Variants in PRKD3 observed in about 807,000 individuals in gnomAD.
PRKD3 encodes the protein serine/threonine-protein kinase D3.
A neutral mutation model predicts 99.2 loss-of-function variants in PRKD3; 47 were observed. The observed-to-expected ratio is 0.47, with a 90% CI of 0.38 to 0.60. The LOEUF is 0.60. PRKD3 is among the 20% of genes least tolerant of loss of function. The probability of loss-of-function intolerance (pLI) is 0.00; values close to 1 mark genes in which losing one functional copy is unlikely to be tolerated. For synonymous variants in PRKD3, 392 were observed against 355.4 expected (o/e 1.10, Z -1.16); for missense variants, 1,019 against 1,088.4 (o/e 0.94, Z 0.90).
At chr2:37,270,328 A>G (rs1669144955) in intron 12 of PRKD3, among the ~76,000 whole-genome samples, 1 of 147,748 alleles carries the variant, frequency 6.8e-6, no homozygotes, top group Admixed American at 6.9e-5. Flanking sequence ...ACCTTTAAGG[A>G]GATTTGCTCT....
At chr2:37,305,132 T>G (rs748627676) in intron 2 of PRKD3, among the ~76,000 whole-genome samples, 18 of 152,140 alleles carry the variant, frequency 1.2e-4, no homozygotes, top group Non-Finnish European at 2.2e-4. Flanking sequence ...GAATGACAAC[T>G]GGGTTTTTTT....
chr2:37,324,630 G>T (rs1672043487), intron 1 of PRKD3, 51 bp downstream of exon 1: 3 of 151,780 alleles, frequency 2.0e-5, no homozygotes, highest in Admixed American at 2.0e-4. Flanking sequence ...CGGCGGCGGC[G>T]GCGCGAACTT....
chr2:37,276,725 C>T (rs1270829543), intron 9 of PRKD3, among the ~76,000 whole-genome samples: 1 of 151,384 alleles, frequency 6.6e-6, no homozygotes, highest in African/African-American at 2.4e-5. Context: ...AATTTCTTTA[C>T]ACTCAAATCT....
intron 2 of PRKD3, among the ~76,000 whole-genome samples, chr2:37,298,525 G>C (rs1670771959): frequency 6.6e-6 from 1 of 151,498 alleles, no homozygotes; most frequent in Non-Finnish European, 1.5e-5. Flanking sequence ...GTGCCTACTT[G>C]CCTACTTCAT....
Position 37,289,337 on chromosome 2 carries a change from A to G in PRKD3, c.717+19T>C. 1.2e-6 allele frequency: 2 copies of G among 1,611,998 alleles called. No individual in the cohort carries two copies. The highest frequency in any genetic ancestry group is 1.7e-6 in the Non-Finnish European group (2 of 1,179,064). ...GAGAATAACTACTACTAAAATGTCT[A>G]TTACCTTAGAATACGTACCTCTTCA... On this transcript the variant is annotated intron_variant, in intron 5 of 18. Transcript: ENST00000234179.
chr2:37,259,471 TG>T (rs1449531515), intron 16 of PRKD3, 111 bp downstream of exon 16: 1 of 632,750 alleles, frequency 1.6e-6, no homozygotes, highest in Non-Finnish European at 2.6e-6. Context: ...AAACTATTTT[TG>T]TAAGGTGGTA....
At chr2:37,279,144 C>T (rs1185803460) in intron 8 of PRKD3, 1 of 151,912 alleles carries the variant, frequency 6.6e-6, no homozygotes, top group Non-Finnish European at 1.5e-5. Context: ...CAATGAAAAA[C>T]AAAACCTGCC....
At chr2:37,309,423 G>C (rs1671317871) in intron 2 of PRKD3, among the ~76,000 whole-genome samples, 4 of 152,118 alleles carry the variant, frequency 2.6e-5, no homozygotes, top group African/African-American at 9.7e-5. Context: ...AACAGCCTAA[G>C]GGTACAGAAA....
chr2:37,291,599 G>T (rs2124841242), intron 3 of PRKD3, among the ~76,000 whole-genome samples: 1 of 152,332 alleles, frequency 6.6e-6, no homozygotes, highest in East Asian at 1.9e-4. Flanking sequence ...GTGAGACAGG[G>T]AGTGAAACTC....
intron 18 of PRKD3, among the ~76,000 whole-genome samples, chr2:37,253,724 T>C (rs557215568): frequency 2.6e-5 from 4 of 152,326 alleles, no homozygotes; most frequent in East Asian, 1.9e-4. Context: ...TAGTAACTGG[T>C]AGATGAGATT....
intron 3 of PRKD3, 126 bp downstream of exon 3, chr2:37,293,007 T>C: frequency 9.4e-7 from 1 of 1,059,898 alleles, no homozygotes; most frequent in East Asian, 2.5e-5. Context: ...GTGACCATTA[T>C]TAGAGATGAA....
intron 2 of PRKD3, among the ~76,000 whole-genome samples, chr2:37,299,543 C>T (rs922164164): frequency 6.6e-6 from 1 of 150,758 alleles, no homozygotes; most frequent in Non-Finnish European, 1.5e-5. Flanking sequence ...CACACACACA[C>T]ACACACACAC....
intron 2 of PRKD3, among the ~76,000 whole-genome samples, chr2:37,303,665 C>T (rs748704524): frequency 5.9e-5 from 9 of 152,062 alleles, no homozygotes; most frequent in Non-Finnish European, 7.4e-5. Flanking sequence ...CAGGGTACCC[C>T]GTCCCAAGTC....
intron 2 of PRKD3, among the ~76,000 whole-genome samples, chr2:37,294,161 CA>C (rs1670571279): frequency 6.6e-6 from 1 of 152,130 alleles, no homozygotes; most frequent in South Asian, 2.1e-4. Context: ...GTGGTGTGAT[CA>C]CAGTTCAACA....
At chr2:37,287,255 AAAAAAAAAAAAAGAAAAAG>A (rs1441193967) in intron 5 of PRKD3, among the ~76,000 whole-genome samples, 61 of 141,086 alleles carry the variant, frequency 4.3e-4, no homozygotes, top group African/African-American at 1.6e-3. Context: ...AAAAAAAAAA[AAAAAAAAAAAAAGAAAAAG>A]AAAAAGAAAA....
At chr2:37,288,854 G>A (rs1434464618) in intron 5 of PRKD3, among the ~76,000 whole-genome samples, 1 of 152,064 alleles carries the variant, frequency 6.6e-6, no homozygotes, top group Non-Finnish European at 1.5e-5. Context: ...AGGAATTCAA[G>A]ACCAGCCTGT....
intron 2 of PRKD3, among the ~76,000 whole-genome samples, chr2:37,296,619 C>T (rs1041230701): frequency 6.6e-6 from 1 of 151,862 alleles, no homozygotes; most frequent in African/African-American, 2.4e-5. Context: ...AGAGTCAGGC[C>T]GGGCGCAGTG....
chr2:37,268,348 G>T (rs369677276), intron 13 of PRKD3: 1 of 471,016 alleles, frequency 2.1e-6, no homozygotes, highest in Middle Eastern at 3.3e-4. Flanking sequence ...CTCCAGAGAT[G>T]TAACTACTCT....
intron 16 of PRKD3, among the ~76,000 whole-genome samples, chr2:37,257,629 G>A (rs1668066670): frequency 7.5e-6 from 1 of 132,494 alleles, no homozygotes; most frequent in Non-Finnish European, 1.5e-5. Flanking sequence ...TTACGCCGCT[G>A]CAATCCAGCC....
Sources: allele counts gnomAD v4.1 joint callset (sites outside exome capture counted in the v4.1 genomes callset), GRCh38; gene constraint gnomAD v4.1.1; transcripts MANE v1.5; gene names NCBI Gene and HGNC (gene_info 2026-07-23, HGNC 2026-07-21).